ZC3H13: variants seen among roughly 807,000 people sequenced by gnomAD.
ZC3H13 encodes the protein zinc finger CCCH domain-containing protein 13.
ZC3H13 carries 64 observed loss-of-function variants against 204.1 expected under a neutral mutation model. The observed-to-expected ratio is 0.31, with a 90% CI of 0.26 to 0.39. The LOEUF is 0.39. Among genes scored for constraint, ZC3H13 ranks in the 10% least tolerant of loss-of-function variants. The pLI, the probability that ZC3H13 is intolerant of heterozygous loss-of-function variation, is 1.00. For synonymous variants in ZC3H13, 667 were observed against 693.7 expected, an observed-to-expected ratio of 0.96 and a Z score of 0.60; for missense variants, 1,833 against 2,082.7, an observed-to-expected ratio of 0.88 and a Z score of 2.33.
intron 11 of ZC3H13, 31 bp from the exon 12 acceptor site, chr13:45,975,869 T>C (rs1348202145): frequency 1.3e-6 from 2 of 1,597,224 alleles, no homozygotes; most frequent in African/African-American, 2.7e-5. Context: ...TGTCAGTGAT[T>C]AATTTGACAG....
chr13:45,970,543 C>A, intron 12 of ZC3H13, 78 bp from the exon 13 acceptor site: 3 of 1,162,046 alleles, frequency 2.6e-6, no homozygotes, highest in South Asian at 1.3e-5. Context: ...ACTAGTATCT[C>A]TTTACTATAA....
At chr13:46,019,777 G>A (rs1384254827) in intron 5 of ZC3H13, among the ~76,000 whole-genome samples, 1 of 152,086 alleles carries the variant, frequency 6.6e-6, no homozygotes, top group East Asian at 1.9e-4. Context: ...TAGAGATGGG[G>A]TCTTACTTTG....
chr13:46,050,179 A>C (rs559184252), intron 1 of ZC3H13, among the ~76,000 whole-genome samples: 36 of 152,330 alleles, frequency 2.4e-4, no homozygotes, highest in South Asian at 1.0e-3. Context: ...CTATTAATAA[A>C]GACACAACAA....
intron 4 of ZC3H13, among the ~76,000 whole-genome samples, chr13:46,029,515 G>C (rs1438887764): frequency 6.9e-6 from 1 of 145,284 alleles, no homozygotes; most frequent in Non-Finnish European, 1.5e-5. Flanking sequence ...TGCAAGCTCC[G>C]CCTCCCGGGT....
intron 17 of ZC3H13, among the ~76,000 whole-genome samples, chr13:45,960,110 C>A (rs1951572430): frequency 6.6e-6 from 1 of 152,020 alleles, no homozygotes; most frequent in South Asian, 2.1e-4. Flanking sequence ...CACCACCACA[C>A]CTGGCTAATT....
chr13:46,019,472 C>T (rs903520417), intron 5 of ZC3H13, among the ~76,000 whole-genome samples: 4 of 152,116 alleles, frequency 2.6e-5, no homozygotes, highest in Admixed American at 6.6e-5. Flanking sequence ...GTTTTGTCAT[C>T]TGTAAGTAGA....
chr13:45,975,937 A>G, intron 11 of ZC3H13, 99 bp from the exon 12 acceptor site: 3 of 1,455,758 alleles, frequency 2.1e-6, no homozygotes, highest in Non-Finnish European at 2.7e-6. Context: ...ATAGGGTCAC[A>G]CTGGCAACAA....
intron 13 of ZC3H13, 76 bp downstream of exon 13, chr13:45,970,286 C>T (rs1017055532): frequency 3.4e-6 from 5 of 1,480,990 alleles, no homozygotes; most frequent in Non-Finnish European, 3.7e-6. Flanking sequence ...TCATCAGTTC[C>T]TACTAGTATG....
chr13:45,959,569 G>A lies in ZC3H13; in HGVS notation c.4753C>T (p.Leu1585Phe). 1 of 1,549,304 alleles carries A rather than the reference G, an allele frequency of 6.5e-7. No homozygotes were observed. The highest frequency in any genetic ancestry group is 8.7e-7 in the Non-Finnish European group (1 of 1,146,468). The change falls in exon 18 of 19, where the codon CTT becomes TTT. Residue 1585 changes from leucine to phenylalanine, a missense_variant. Around this residue, in one of 5 missense-constraint regions of ZC3H13, gnomAD observed 211 missense variants for 228.4 expected, o/e 0.92. Coordinates refer to ENST00000679008, the MANE Select transcript of ZC3H13 (RefSeq NM_001330564.2). ...CAACATGGGCCAAGATTACTAAGAA[G>A]ACTTGCTCTTTCTTCTTTTCGTAGT... ...ALLRKEERASLLSNLGPCCKA... is the reference protein window; with the variant it reads ...ALLRKEERASFLSNLGPCCKA...
chr13:46,033,838 GTTGAAAGACATT>G (rs1342281309), intron 4 of ZC3H13, among the ~76,000 whole-genome samples: 1 of 151,978 alleles, frequency 6.6e-6, no homozygotes, highest in Non-Finnish European at 1.5e-5. Context: ...CTTCATTCAA[GTTGAAAGACATT>G]TTGAAAGACA....
At chr13:46,016,672 A>ATTT (rs2041925259) in intron 5 of ZC3H13, among the ~76,000 whole-genome samples, 2 of 152,164 alleles carry the variant, frequency 1.3e-5, no homozygotes, top group South Asian at 2.1e-4. Flanking sequence ...AAATGTGTTC[A>ATTT]GTCTGTGAAC....
chr13:45,961,664 A>AT (rs1395715244), intron 17 of ZC3H13, among the ~76,000 whole-genome samples: 4 of 151,974 alleles, frequency 2.6e-5, no homozygotes, highest in African/African-American at 9.7e-5. Context: ...CAGGGTGACT[A>AT]TAACACCCTG....
chr13:46,014,058 C>A (rs1226454005), intron 5 of ZC3H13, among the ~76,000 whole-genome samples: 2 of 152,138 alleles, frequency 1.3e-5, no homozygotes, highest in Non-Finnish European at 2.9e-5. Context: ...CATTCTCTGG[C>A]AGTAGCAATG....
intron 8 of ZC3H13, among the ~76,000 whole-genome samples, chr13:45,997,990 T>C (rs1338032775): frequency 6.6e-6 from 1 of 152,188 alleles, no homozygotes; most frequent in Admixed American, 6.5e-5. Flanking sequence ...TTAGAACAGG[T>C]ATTTAAGTAA....
At chr13:45,986,999 T>A (rs1479565479) in intron 9 of ZC3H13, among the ~76,000 whole-genome samples, 1 of 152,172 alleles carries the variant, frequency 6.6e-6, no homozygotes, top group African/African-American at 2.4e-5. Context: ...CATATCTCCA[T>A]CCCTTTCTGT....
chr13:45,982,207 G>A (rs929285408), intron 10 of ZC3H13, among the ~76,000 whole-genome samples: 22 of 151,862 alleles, frequency 1.4e-4, no homozygotes, highest in Middle Eastern at 3.4e-3. Context: ...ATGATTCTAC[G>A]GGTATTTTAA....
chr13:46,036,312 A>G (rs966553986), intron 4 of ZC3H13, among the ~76,000 whole-genome samples: 2 of 152,238 alleles, frequency 1.3e-5, no homozygotes, highest in Non-Finnish European at 2.9e-5. Context: ...TTCAGTAATA[A>G]GACACCTGGA....
chr13:46,048,303 C>A (rs2044124597), intron 1 of ZC3H13, among the ~76,000 whole-genome samples: 1 of 152,034 alleles, frequency 6.6e-6, no homozygotes, highest in South Asian at 2.1e-4. Flanking sequence ...TTTCGCCGGG[C>A]GCGGTGGCTC....
chr13:45,969,269 C>T lies in ZC3H13; in HGVS notation c.3275G>A (p.Ser1092Asn), dbSNP rs562726771. 17 of 1,613,996 alleles carry T rather than the reference C, an allele frequency of 1.1e-5. No homozygotes were observed. In the South Asian group the frequency reaches 1.6e-4, roughly 16 times the overall value. ...EHTATATTPG[S>N]TPSPLSSLLP... is the part of the protein sequence containing the mutation. ...AAGAGAAGATAGAGGAGAAGGGGTA[C>T]TACCAGGAGTCGTGGCGGTGGCAGT... The change falls in exon 14 of 19, where the codon AGT becomes AAT. Residue 1092 changes from serine to asparagine, a missense_variant. By Grantham distance (46) the Ser-to-Asn change is conservative (BLOSUM62 1). This residue lies in a region of ZC3H13 where 1,574 missense variants were observed against 1,757.2 expected (regional missense o/e 0.90). Transcript: ENST00000679008.
Sources: allele counts gnomAD v4.1 joint callset (sites outside exome capture counted in the v4.1 genomes callset), GRCh38; gene constraint gnomAD v4.1.1; regional missense constraint gnomAD v4.1.1; transcripts MANE v1.5; gene names NCBI Gene and HGNC (gene_info 2026-07-23, HGNC 2026-07-21).